Variants in MTMR3 observed in about 807,000 individuals in gnomAD.
MTMR3 encodes the protein myotubularin related protein 3.
A neutral mutation model predicts 132.4 loss-of-function variants in MTMR3; 32 were observed. That is an observed-to-expected ratio of 0.24 (90% CI 0.18 to 0.32). MTMR3 has a LOEUF of 0.32. Ranked by LOEUF, MTMR3 falls within the 10% of genes least tolerant of loss-of-function variation. The pLI, the probability that MTMR3 is intolerant of heterozygous loss-of-function variation, is 1.00. For missense variants in MTMR3, 1,216 were observed against 1,489.6 expected (o/e 0.82, Z 3.02); for synonymous variants, 556 against 550.3 (o/e 1.01, Z -0.14).
chr22:30,025,173 G>T (rs963372748), intron 19 of MTMR3: 7 of 161,642 alleles, frequency 4.3e-5, no homozygotes, highest in African/African-American at 1.4e-4. Flanking sequence ...AGAAGTGGCC[G>T]TTGGGCAAGG....
chr22:29,975,820 G>A (rs1044586882), intron 3 of MTMR3, among the ~76,000 whole-genome samples: 30 of 152,142 alleles, frequency 2.0e-4, no homozygotes, highest in African/African-American at 7.0e-4. Context: ...TGCCCAGGCT[G>A]GGCTTGAACT....
chr22:30,002,814 T>TCTCTCCCGTTTTCTCTCTCC, intron 8 of MTMR3, 66 bp from the exon 9 acceptor site: 3 of 1,223,036 alleles, frequency 2.5e-6, no homozygotes, highest in East Asian at 4.7e-5. Flanking sequence ...TGTCTCTCTC[T>TCTCTCCCGTTTTCTCTCTCC]CTCTCCCGTT....
At chr22:29,917,985 T>C (rs2065340375) in intron 1 of MTMR3, among the ~76,000 whole-genome samples, 1 of 152,260 alleles carries the variant, frequency 6.6e-6, no homozygotes, top group South Asian at 2.1e-4. Flanking sequence ...GTTGCTAATT[T>C]ATTTTGAAAT....
At chr22:29,915,049 TTTGTGGTAAGGCATATGGTCTA>T (rs1332052096) in intron 1 of MTMR3, among the ~76,000 whole-genome samples, 2 of 152,188 alleles carry the variant, frequency 1.3e-5, no homozygotes, top group Non-Finnish European at 2.9e-5. Context: ...TGAGATTTGT[TTTGTGGTAAGGCATATGGTCTA>T]TTGTGGTGAA....
intron 7 of MTMR3, 97 bp from the exon 8 acceptor site, chr22:29,998,664 A>C: frequency 1.6e-6 from 1 of 618,500 alleles, no homozygotes; most frequent in East Asian, 3.3e-5. Context: ...ATATATTTAC[A>C]TATATGTAAC....
intron 1 of MTMR3, among the ~76,000 whole-genome samples, chr22:29,931,505 C>G (rs189240333): frequency 6.6e-6 from 1 of 152,306 alleles, no homozygotes; most frequent in Non-Finnish European, 1.5e-5. Flanking sequence ...ACTTCCGCCT[C>G]CTGGGTTCAA....
chr22:29,886,261 A>G (rs1298058618), intron 1 of MTMR3, among the ~76,000 whole-genome samples: 1 of 152,272 alleles, frequency 6.6e-6, no homozygotes, highest in Admixed American at 6.5e-5. Flanking sequence ...ATGAAGAGCC[A>G]GCTTTCAGTG....
chr22:30,022,594 C>T lies in MTMR3; in HGVS notation c.3337-15C>T. The stretch of plus-strand genomic sequence containing the variant: ...CCCATCTCCTGTCAGTAACCTGGTC[C>T]CATCTGTTTTGCAGATGACCCGTTG... On this transcript the variant is annotated splice_polypyrimidine_tract_variant and intron_variant, in intron 18 of 19. Transcript: ENST00000401950. 1 of 1,608,304 alleles carries T rather than the reference C, an allele frequency of 6.2e-7. No homozygotes were observed. The highest frequency in any genetic ancestry group is 8.5e-7 in the Non-Finnish European group (1 of 1,175,840).
chr22:30,016,755 C>T (rs1887491167), intron 15 of MTMR3, 57 bp downstream of exon 15: 2 of 1,537,152 alleles, frequency 1.3e-6, no homozygotes, highest in Admixed American at 1.9e-5. Flanking sequence ...GGGTTGGTTA[C>T]ATATGAGAGC....
chr22:29,995,224 G>C (rs924614238), intron 7 of MTMR3: 2 of 152,254 alleles, frequency 1.3e-5, no homozygotes, highest in African/African-American at 2.4e-5. Flanking sequence ...TTTGAATGCA[G>C]TCCAGGAAGT....
At position 29,970,497 on chromosome 22, in the gene MTMR3, C is replaced by CTTTTTTTTTTT. The variant is rs11326857; in HGVS notation, c.-84-461_-84-451dup. Reference sequence around the variant, plus strand: ...TACAGGCATGTGCTGCCATGACCAGCTTTTTTTTTTTTTTTTTTTTTTTTT... The same window carrying CTTTTTTTTTTT: ...TACAGGCATGTGCTGCCATGACCAGCTTTTTTTTTTTTTTTTTTTTTTTTTTTTTTTTTTTT... On this transcript the variant is annotated intron_variant, in intron 2 of 19. Transcript: ENST00000401950. Among the ~76,000 whole-genome samples, 10 of 57,744 alleles carry CTTTTTTTTTTT rather than the reference C, an allele frequency of 1.7e-4. 1 individual carries two copies. The highest frequency in any genetic ancestry group is 7.9e-4 in the African/African-American group (10 of 12,666). The allele number at this position is 57,744 out of a possible 152,430, so 37.9% of individuals were successfully genotyped here.
chr22:29,949,033 T>TG (rs2066004765), intron 1 of MTMR3, among the ~76,000 whole-genome samples: 4 of 149,818 alleles, frequency 2.7e-5, no homozygotes, highest in African/African-American at 7.4e-5. Flanking sequence ...GAAAGGTTGA[T>TG]GCTGCAGTGA....
intron 1 of MTMR3, among the ~76,000 whole-genome samples, chr22:29,941,716 A>G (rs925621167): frequency 5.3e-5 from 8 of 152,232 alleles, no homozygotes; most frequent in Non-Finnish European, 1.0e-4. Flanking sequence ...GTCTTTTGAT[A>G]AGTAGAGATT....
rs534572823 is a variant in MTMR3 at position 29,993,319 on chromosome 22, T to C, written c.460+1649T>C. ...TACATTTTTTCATTTTTTATGGCTC[T>C]TTTCAAATTTGGGGGTTTTTCTTAA... On this transcript the variant is annotated intron_variant, in intron 7 of 19. Transcript: ENST00000401950. 11 of 152,344 alleles carry C rather than the reference T, an allele frequency of 7.2e-5. No homozygotes were observed. In the South Asian group the frequency reaches 2.3e-3, roughly 32 times the overall value. The allele number at this position is 152,344 out of a possible 1,614,324, so 9.4% of individuals were successfully genotyped here. A position where few individuals can be genotyped will look rare whatever the true frequency, so the allele number is the denominator to read the frequency against.
At chr22:29,926,507 C>T (rs886634088) in intron 1 of MTMR3, among the ~76,000 whole-genome samples, 1 of 152,152 alleles carries the variant, frequency 6.6e-6, no homozygotes, top group African/African-American at 2.4e-5. Context: ...TTCCTATCAG[C>T]AATTATTAGG....
intron 1 of MTMR3, among the ~76,000 whole-genome samples, chr22:29,895,265 C>A (rs1422314787): frequency 6.6e-6 from 1 of 151,966 alleles, no homozygotes; most frequent in African/African-American, 2.4e-5. Context: ...TAGGTGGGTG[C>A]AAAATTAATT....
At position 30,025,652 on chromosome 22, in the gene MTMR3, T is replaced by G; in HGVS notation, c.3448T>G (p.Ser1150Ala). ...AAGGAATTGTGGGAACGTATTCTGC[T>G]CCAGTTGTTGTAACCAGAAGGTTCC... The part of the protein sequence containing the change: ...HCRNCGNVFC[S>A]SCCNQKVPVP... Residue 1150 changes from serine (S) to alanine (A), a missense_variant, in exon 20 of 20, where the codon TCC becomes GCC. Coordinates refer to ENST00000401950, the MANE Select transcript of MTMR3 (RefSeq NM_021090.4). 6.2e-7 allele frequency: 1 copy of G among 1,614,194 alleles called. No homozygotes were observed. Among genetic ancestry groups the G allele is most frequent in the Non-Finnish European group, 8.5e-7 (1 of 1,180,024 alleles).
intron 9 of MTMR3, chr22:30,004,827 C>G (rs1373702646): frequency 6.6e-6 from 1 of 152,276 alleles, no homozygotes; most frequent in African/African-American, 2.4e-5. Flanking sequence ...ATGCCTGGAA[C>G]TCTTGACATC....
At chr22:29,993,696 G>A (rs2067007520) in intron 7 of MTMR3, 1 of 152,128 alleles carries the variant, frequency 6.6e-6, no homozygotes, top group South Asian at 2.1e-4. Context: ...TTAGATTTCA[G>A]CAAACTCTTA....
Sources: allele counts gnomAD v4.1 joint callset (sites outside exome capture counted in the v4.1 genomes callset), GRCh38; gene constraint gnomAD v4.1.1; transcripts MANE v1.5; gene names NCBI Gene and HGNC (gene_info 2026-07-23, HGNC 2026-07-21).